The following SCAMP1 variants were observed in gnomAD, a reference collection of about 807,000 sequenced individuals.
SCAMP1 encodes secretory carrier-associated membrane protein 1.
Under a neutral mutation model 41.8 loss-of-function variants are expected in SCAMP1, and 15 were observed. The observed-to-expected ratio is 0.36, with a 90% CI of 0.24 to 0.55. SCAMP1 has a LOEUF of 0.55. Ranked by LOEUF, SCAMP1 falls within the 20% of genes least tolerant of loss-of-function variation. SCAMP1 has a pLI of 0.86. For synonymous variants in SCAMP1, 135 were observed against 136.8 expected (o/e 0.99, Z 0.09); for missense variants, 341 against 412.6 (o/e 0.83, Z 1.50).
chr5:78,477,009 CTT>C lies in SCAMP1; in HGVS notation c.*1343_*1344del, dbSNP rs1754021090. On this transcript the variant is annotated 3_prime_UTR_variant, in exon 9 of 9. Transcript: ENST00000621999. The stretch of plus-strand genomic sequence containing the variant: ...AGTCATGCTGCTGTGTTTTGAAAGT[CTT>C]TAACTAAATTAAGATTGCAGAATGA... 6.6e-6 allele frequency: 1 copy of C among 152,056 alleles called. No individual in the cohort carries two copies. The highest frequency in any genetic ancestry group is 1.5e-5 in the Non-Finnish European group (1 of 67,960). 9.4% of individuals were successfully genotyped at this position (152,056 alleles called of 1,614,324 possible).
At chr5:78,382,082 A>G (rs891007102) in intron 1 of SCAMP1, among the ~76,000 whole-genome samples, 2 of 152,210 alleles carry the variant, frequency 1.3e-5, no homozygotes, top group African/African-American at 4.8e-5. Context: ...CAGCAGAAGC[A>G]GTATCACCTG....
intron 1 of SCAMP1, among the ~76,000 whole-genome samples, chr5:78,388,143 T>C (rs1013049485): frequency 5.3e-5 from 8 of 152,212 alleles, no homozygotes; most frequent in African/African-American, 1.7e-4. Context: ...GTTCACGATG[T>C]AGGTCTCCAC....
At chr5:78,368,823 A>C (rs1464028857) in intron 1 of SCAMP1, among the ~76,000 whole-genome samples, 1 of 152,114 alleles carries the variant, frequency 6.6e-6, no homozygotes, top group South Asian at 2.1e-4. Context: ...TAAGTGAATA[A>C]ACTTGTTATT....
intron 8 of SCAMP1, among the ~76,000 whole-genome samples, chr5:78,471,422 A>G (rs999620634): frequency 1.3e-5 from 2 of 152,156 alleles, no homozygotes; most frequent in Non-Finnish European, 2.9e-5. Flanking sequence ...TTAGGCTTAG[A>G]CGTCCATACT....
intron 2 of SCAMP1, among the ~76,000 whole-genome samples, chr5:78,398,615 C>T (rs1214105953): frequency 2.2e-5 from 3 of 136,238 alleles, no homozygotes; most frequent in African/African-American, 8.3e-5. Context: ...GCGATCTTGG[C>T]TCACTGCAAC....
At chr5:78,474,637 T>G (rs1753963682) in intron 8 of SCAMP1, among the ~76,000 whole-genome samples, 1 of 152,200 alleles carries the variant, frequency 6.6e-6, no homozygotes, top group Admixed American at 6.5e-5. Context: ...AAGCCTGCTT[T>G]GATTGCATTC....
intron 2 of SCAMP1, among the ~76,000 whole-genome samples, chr5:78,409,741 T>G (rs1413137961): frequency 6.6e-6 from 1 of 152,208 alleles, no homozygotes; most frequent in African/African-American, 2.4e-5. Flanking sequence ...CTTAAATATA[T>G]CGCATTACCA....
At chr5:78,431,344 C>T (rs1455908855) in intron 6 of SCAMP1, among the ~76,000 whole-genome samples, 1 of 149,734 alleles carries the variant, frequency 6.7e-6, no homozygotes. Flanking sequence ...TATAGGTTGC[C>T]AACCAAAAAA....
intron 6 of SCAMP1, 101 bp downstream of exon 6, chr5:78,422,061 T>G: frequency 9.7e-7 from 1 of 1,026,306 alleles, no homozygotes; most frequent in Non-Finnish European, 1.4e-6. Flanking sequence ...ATTAAAAAAT[T>G]CTTGTATTGT....
chr5:78,462,161 CCTT>C (rs1360830043), intron 8 of SCAMP1, among the ~76,000 whole-genome samples: 3 of 151,052 alleles, frequency 2.0e-5, no homozygotes, highest in African/African-American at 4.9e-5. Context: ...AGTTCTTTCA[CCTT>C]CTTAGTTAAA....
At chr5:78,364,976 A>G (rs911620361) in intron 1 of SCAMP1, among the ~76,000 whole-genome samples, 1 of 15,720 alleles carries the variant, frequency 6.4e-5, no homozygotes, top group Admixed American at 6.1e-4. Flanking sequence ...ATGTATACAT[A>G]TGTAACCTGT....
intron 8 of SCAMP1, among the ~76,000 whole-genome samples, chr5:78,472,383 C>A (rs924299383): frequency 3.9e-5 from 6 of 152,030 alleles, no homozygotes; most frequent in Admixed American, 1.3e-4. Context: ...CGCTATGCCT[C>A]CCCTTGCCCC....
At chr5:78,405,654 T>C (rs538459746) in intron 2 of SCAMP1, among the ~76,000 whole-genome samples, 1 of 152,230 alleles carries the variant, frequency 6.6e-6, no homozygotes, top group African/African-American at 2.4e-5. Flanking sequence ...GGAATGTAGC[T>C]TTATGGGAGT....
chr5:78,469,905 AAAAAAAAC>A, intron 8 of SCAMP1, among the ~76,000 whole-genome samples: 3 of 49,508 alleles, frequency 6.1e-5, no homozygotes, highest in African/African-American at 2.8e-4. Context: ...AAAAAAAAAA[AAAAAAAAC>A]AAAAAAAAAA....
intron 6 of SCAMP1, among the ~76,000 whole-genome samples, chr5:78,439,521 T>G (rs1277338898): frequency 6.6e-6 from 1 of 152,210 alleles, no homozygotes; most frequent in East Asian, 1.9e-4. Context: ...ATTGTTTTCT[T>G]TAAGAATATT....
intron 6 of SCAMP1, among the ~76,000 whole-genome samples, chr5:78,427,220 TGTG>T (rs1196963097): frequency 1.3e-5 from 2 of 152,152 alleles, no homozygotes; most frequent in South Asian, 2.1e-4. Context: ...GTAGAGATCA[TGTG>T]GTGAGAATGA....
chr5:78,422,728 T>C (rs1254542176), intron 6 of SCAMP1, among the ~76,000 whole-genome samples: 2 of 152,244 alleles, frequency 1.3e-5, no homozygotes, highest in Non-Finnish European at 2.9e-5. Context: ...TGGAGTACTT[T>C]GTTGGACTAT....
intron 6 of SCAMP1, among the ~76,000 whole-genome samples, chr5:78,429,544 C>T (rs544541576): frequency 2.0e-4 from 30 of 151,992 alleles, no homozygotes; most frequent in Middle Eastern, 3.4e-3. Context: ...TTTTGAGTTC[C>T]TTCTGGGAGT....
At chr5:78,415,982 A>G (rs1263866256) in intron 3 of SCAMP1, among the ~76,000 whole-genome samples, 3 of 152,234 alleles carry the variant, frequency 2.0e-5, no homozygotes, top group African/African-American at 7.2e-5. Flanking sequence ...GAGGTAGAAG[A>G]TGGCAAAAAT....
Sources: allele counts gnomAD v4.1 joint callset (sites outside exome capture counted in the v4.1 genomes callset), GRCh38; gene constraint gnomAD v4.1.1; transcripts MANE v1.5; gene names NCBI Gene and HGNC (gene_info 2026-07-23, HGNC 2026-07-21).